The following LIMK2 variants were observed in gnomAD, a reference collection of about 807,000 sequenced individuals.
The protein encoded by LIMK2 is LIM domain kinase 2.
A neutral mutation model predicts 75.7 loss-of-function variants in LIMK2; 35 were observed. The observed-to-expected ratio is 0.46, with a 90% CI of 0.35 to 0.61. The LOEUF (loss-of-function observed/expected upper bound fraction) is 0.61, where lower values mean the gene tolerates loss of function less well. Among genes scored for constraint, LIMK2 ranks in the 20% least tolerant of loss-of-function variants. The pLI, the probability that LIMK2 is intolerant of heterozygous loss-of-function variation, is 0.00. For missense variants in LIMK2, 623 were observed against 831.0 expected, an observed-to-expected ratio of 0.75 and a Z score of 3.08; for synonymous variants, 301 against 319.2, an observed-to-expected ratio of 0.94 and a Z score of 0.61.
At chr22:31,276,371 C>T (rs1601449166) in intron 15 of LIMK2, among the ~76,000 whole-genome samples, 1 of 152,268 alleles carries the variant, frequency 6.6e-6, no homozygotes, top group East Asian at 1.9e-4. Flanking sequence ...ACATTCTCCT[C>T]ACCCCCAACT....
At chr22:31,231,608 C>T (rs797008901) in intron 2 of LIMK2, among the ~76,000 whole-genome samples, 34 of 152,286 alleles carry the variant, frequency 2.2e-4, no homozygotes, top group African/African-American at 7.7e-4. Flanking sequence ...TAGGATGTAG[C>T]AGCAGCATAT....
At chr22:31,248,318 C>G (rs1463743356) in intron 2 of LIMK2, 9 of 1,200,806 alleles carry the variant, frequency 7.5e-6, no homozygotes, top group Middle Eastern at 7.5e-4. Flanking sequence ...CTCTTCCTCC[C>G]TCCCTCCCTC....
intron 5 of LIMK2, 80 bp downstream of exon 5, chr22:31,260,157 G>A (rs906724236): frequency 8.5e-7 from 1 of 1,175,148 alleles, no homozygotes; most frequent in African/African-American, 1.6e-5. Flanking sequence ...GACCTCCAAA[G>A]TCTCATGCAG....
At chr22:31,272,896 T>G (rs568507609) in intron 13 of LIMK2, 192 bp downstream of exon 13, 149 of 1,359,852 alleles carry the variant, frequency 1.1e-4, no homozygotes, top group Non-Finnish European at 1.0e-4. Flanking sequence ...AACTGATCAG[T>G]GTCCCATCAT....
chr22:31,254,953 C>T (rs1463826932), intron 2 of LIMK2, among the ~76,000 whole-genome samples: 2 of 148,596 alleles, frequency 1.3e-5, no homozygotes, highest in Non-Finnish European at 3.0e-5. Flanking sequence ...GAGCAAAATT[C>T]CATCTCAAAA....
chr22:31,230,048 C>CTTTT (rs2048513923), intron 2 of LIMK2: 1 of 130,150 alleles, frequency 7.7e-6, no homozygotes, highest in African/African-American at 2.8e-5. Flanking sequence ...TTCTTTCTTT[C>CTTTT]TTTCTTTCTT....
chr22:31,236,659 A>G (rs1258577373), intron 2 of LIMK2, among the ~76,000 whole-genome samples: 2 of 151,300 alleles, frequency 1.3e-5, no homozygotes, highest in Non-Finnish European at 2.9e-5. Context: ...CACGCCAGTA[A>G]TCCCAGCACT....
At position 31,212,328 on chromosome 22, in the gene LIMK2, G is replaced by C; in HGVS notation, c.-81G>C. Reference sequence around the variant, plus strand: ...CCCGCGCCTGAGGCGGCGGCGGCAGGAGCTGAGGGGAGTTGTAGGGAACTG... The same window carrying C: ...CCCGCGCCTGAGGCGGCGGCGGCAGCAGCTGAGGGGAGTTGTAGGGAACTG... On this transcript the variant is annotated 5_prime_UTR_variant, in exon 1 of 16. Transcript: ENST00000331728. 7.7e-7 allele frequency: 1 copy of C among 1,290,488 alleles called. No individual in the cohort carries two copies. Among genetic ancestry groups the C allele is most frequent in the Non-Finnish European group, 9.9e-7 (1 of 1,006,206 alleles). 79.9% of individuals were successfully genotyped at this position (1,290,488 alleles called of 1,614,324 possible). A position where few individuals can be genotyped will look rare whatever the true frequency, so the allele number is the denominator to read the frequency against.
At chr22:31,218,077 CA>C (rs2048402919) in intron 1 of LIMK2, among the ~76,000 whole-genome samples, 1 of 152,158 alleles carries the variant, frequency 6.6e-6, no homozygotes, top group South Asian at 2.1e-4. Context: ...GATACACACG[CA>C]GGAAGGAAGA....
intron 2 of LIMK2, among the ~76,000 whole-genome samples, chr22:31,241,506 C>T (rs1395620954): frequency 1.3e-5 from 2 of 152,196 alleles, no homozygotes; most frequent in African/African-American, 4.8e-5. Flanking sequence ...CCTGCAGGTG[C>T]TGTCTTCTCC....
At chr22:31,266,930 G>C in intron 8 of LIMK2, 54 bp from the exon 9 acceptor site, 1 of 1,284,618 alleles carries the variant, frequency 7.8e-7, no homozygotes, top group Non-Finnish European at 1.1e-6. Context: ...TTCTCAAACA[G>C]TTCTCCAGAA....
rs2048849052 is a variant in LIMK2, at chr22:31,262,303, G to T, written c.657+64G>T. ...ATGGAACAGATCCTCTGAGAAATCA[G>T]GCTGTAGCCTTTACCTTTTCCTACC... is the stretch of plus-strand genomic sequence containing the variant. On this transcript the variant is annotated intron_variant, in intron 6 of 15. Transcript: ENST00000331728. The surrounding 1 kb of genome is among the most constrained non-coding windows in gnomAD (Gnocchi z 5.0). 2 of 1,294,172 alleles carry T rather than the reference G, an allele frequency of 1.5e-6. No homozygotes were observed. Among genetic ancestry groups the T allele is most frequent in the Non-Finnish European group, 2.2e-6 (2 of 889,064 alleles). 80.2% of individuals were successfully genotyped at this position (1,294,172 alleles called of 1,614,324 possible).
At chr22:31,233,709 A>G (rs2048547236) in intron 2 of LIMK2, among the ~76,000 whole-genome samples, 1 of 152,112 alleles carries the variant, frequency 6.6e-6, no homozygotes, top group South Asian at 2.1e-4. Flanking sequence ...TCTTCCCCCT[A>G]AAACTGGCTC....
intron 2 of LIMK2, among the ~76,000 whole-genome samples, chr22:31,246,215 A>ACACACACACACACACG (rs1491353906): frequency 7.0e-6 from 1 of 143,652 alleles, no homozygotes; most frequent in Non-Finnish European, 1.5e-5. Flanking sequence ...ACACACACAC[A>ACACACACACACACACG]CGCTGGGTAT....
At chr22:31,277,901 T>C (rs2049048598) in intron 15 of LIMK2, among the ~76,000 whole-genome samples, 1 of 152,134 alleles carries the variant, frequency 6.6e-6, no homozygotes, top group Admixed American at 6.5e-5. Context: ...TGAGGTGACA[T>C]GACATTTAAG....
In LIMK2 at chr22:31,278,443, C is replaced by T. The variant is rs910880459; in HGVS notation, c.*2C>T. On this transcript the variant is annotated 3_prime_UTR_variant, in exon 16 of 16. Transcript: ENST00000331728. ...CTGACCCGGGACTCACCTCCCTAGC[C>T]CTGGCCCAGCCCCCTGCAGGGGGGT... The T allele has an allele frequency of 4.4e-6, 7 of 1,604,722 alleles. No homozygotes were observed. The highest frequency in any genetic ancestry group is 6.0e-6 in the Non-Finnish European group (7 of 1,175,464).
rs537136898 is a variant in LIMK2 at position 31,271,807 on chromosome 22, A to G, written c.1383+606A>G. Among the ~76,000 whole-genome samples, 9 of 152,144 alleles carry G rather than the reference A, an allele frequency of 5.9e-5. No individual in the cohort carries two copies. In the South Asian group the frequency reaches 1.5e-3, roughly 25 times the overall value. On this transcript the variant is annotated intron_variant, in intron 12 of 15. Coordinates refer to ENST00000331728, the MANE Select transcript of LIMK2 (RefSeq NM_005569.4). ...TTGTCTCCCCCAAGTCTCCCCATCT[A>G]CTGCCTCCACCTTGCCTTTTTCTGT...
intron 2 of LIMK2, among the ~76,000 whole-genome samples, chr22:31,228,824 T>C (rs1185669357): frequency 6.6e-6 from 1 of 152,038 alleles, no homozygotes; most frequent in East Asian, 1.9e-4. Context: ...ACACCTGTAG[T>C]CCCAGCTACT....
At chr22:31,244,780 C>T (rs2048652361) in intron 2 of LIMK2, among the ~76,000 whole-genome samples, 1 of 152,176 alleles carries the variant, frequency 6.6e-6, no homozygotes, top group Non-Finnish European at 1.5e-5. Flanking sequence ...TTTAATGTGT[C>T]CCAGACTTTG....
Sources: gnomAD v4.1 joint callset for allele counts (sites outside exome capture counted in the v4.1 genomes callset) on GRCh38, gnomAD v4.1.1 for gene constraint, Gnocchi (gnomAD v3.1) non-coding constraint, MANE v1.5 for transcripts, NCBI Gene and HGNC (gene_info 2026-07-23, HGNC 2026-07-21) for gene names.